The following CUX2 variants were observed in gnomAD, a reference collection of about 807,000 sequenced individuals.
CUX2 encodes the protein cut like homeobox 2.
A neutral mutation model predicts 144.8 loss-of-function variants in CUX2; 40 were observed. The observed-to-expected ratio is 0.28, with a 90% CI of 0.21 to 0.36. CUX2 has a LOEUF of 0.36. Ranked by LOEUF, CUX2 falls within the 10% of genes least tolerant of loss-of-function variation. The pLI is 1.00. For missense variants in CUX2, 1,615 were observed against 1,994.0 expected (o/e 0.81, Z 3.62); for synonymous variants, 827 against 875.6 (o/e 0.94, Z 0.98).
chr12:111,346,939 G>A (rs1888835656), intron 21 of CUX2, among the ~76,000 whole-genome samples: 1 of 152,184 alleles, frequency 6.6e-6, no homozygotes, highest in Non-Finnish European at 1.5e-5. Context: ...TTGAACCCAG[G>A]AGGCAGAGGT....
chr12:111,196,505 T>A (rs1307003862), intron 1 of CUX2, among the ~76,000 whole-genome samples: 1 of 152,176 alleles, frequency 6.6e-6, no homozygotes, highest in Non-Finnish European at 1.5e-5. Flanking sequence ...ATATTTGAGG[T>A]TGCATTTTTG....
intron 4 of CUX2, among the ~76,000 whole-genome samples, chr12:111,266,223 T>C (rs182055314): frequency 1.3e-3 from 192 of 152,228 alleles, no homozygotes; most frequent in African/African-American, 4.5e-3. Flanking sequence ...AAGCCTGTAA[T>C]CCCAGCACTT....
chr12:111,165,018 A>G (rs1878047535), intron 1 of CUX2, among the ~76,000 whole-genome samples: 1 of 152,312 alleles, frequency 6.6e-6, no homozygotes, highest in South Asian at 2.1e-4. Flanking sequence ...AAACCCTGCG[A>G]ATAGCATTTG....
intron 4 of CUX2, among the ~76,000 whole-genome samples, chr12:111,284,088 CCTTGCGTATCT>C (rs1885258877): frequency 6.6e-6 from 1 of 152,144 alleles, no homozygotes; most frequent in East Asian, 1.9e-4. Flanking sequence ...CTACTAAATC[CCTTGCGTATCT>C]CTTGCATCAA....
chr12:111,135,883 A>G (rs958102494), intron 1 of CUX2, among the ~76,000 whole-genome samples: 7 of 152,350 alleles, frequency 4.6e-5, no homozygotes, highest in Middle Eastern at 3.4e-3. Context: ...ATGTTCTGAA[A>G]GTAGATAGAG....
rs199568145 is a variant in CUX2, at chr12:111,341,976, G to A, written c.3582G>A (p.Ser1194=). The change falls in exon 21 of 22, where the codon TCG becomes TCA. Residue 1194 remains serine, a synonymous_variant. Transcript: ENST00000261726. ...RKAYQLEPYP[S]QQTIELLSFQ... is the part of the protein sequence containing the mutation. ...CCTATCAGCTGGAACCCTACCCCTC[G>A]CAGCAGACCATCGAGCTCCTCTCCT... 2.2e-4 allele frequency: 350 copies of A among 1,613,952 alleles called. No homozygotes were observed. The highest frequency in any genetic ancestry group is 7.0e-4 in the Admixed American group (42 of 59,980).
At chr12:111,103,725 A>C (rs1337642214) in intron 1 of CUX2, among the ~76,000 whole-genome samples, 8 of 152,204 alleles carry the variant, frequency 5.3e-5, no homozygotes, top group Non-Finnish European at 1.0e-4. Flanking sequence ...AACTTAAACA[A>C]AAGAAAATTT....
chr12:111,164,686 G>A (rs532466202), intron 1 of CUX2, among the ~76,000 whole-genome samples: 9 of 152,268 alleles, frequency 5.9e-5, no homozygotes, highest in South Asian at 4.1e-4. Flanking sequence ...GTAGTTAGAA[G>A]TCACGCAATA....
intron 1 of CUX2, among the ~76,000 whole-genome samples, chr12:111,142,098 A>G (rs1876357829): frequency 6.6e-6 from 1 of 152,118 alleles, no homozygotes; most frequent in African/African-American, 2.4e-5. Flanking sequence ...AAAAGGGAAA[A>G]CTATTGCCTG....
At chr12:111,285,578 G>A (rs767513700) in intron 4 of CUX2, among the ~76,000 whole-genome samples, 5 of 152,192 alleles carry the variant, frequency 3.3e-5, no homozygotes, top group Non-Finnish European at 5.9e-5. Context: ...ATGTGCCCCT[G>A]CTTAGAGCCA....
At chr12:111,062,689 C>T (rs1273322296) in intron 1 of CUX2, among the ~76,000 whole-genome samples, 2 of 152,206 alleles carry the variant, frequency 1.3e-5, no homozygotes, top group Non-Finnish European at 2.9e-5. Flanking sequence ...TTTGAAGTTG[C>T]AAGCCCAGCT....
At chr12:111,157,308 G>A (rs1877458915) in intron 1 of CUX2, among the ~76,000 whole-genome samples, 1 of 150,640 alleles carries the variant, frequency 6.6e-6, no homozygotes, top group Admixed American at 6.7e-5. Flanking sequence ...CACTTACTAT[G>A]TGCCAGGCAC....
Position 111,347,520 on chromosome 12 carries a change from C to T in CUX2, c.3660-4C>T, listed in dbSNP as rs956966895. The T allele has an allele frequency of 2.5e-6, 4 of 1,583,000 alleles. No individual in the cohort carries two copies. The highest frequency in any genetic ancestry group is 3.5e-4 in the Middle Eastern group (2 of 5,642). On this transcript the variant is annotated splice_region_variant and splice_polypyrimidine_tract_variant and intron_variant, in intron 21 of 21. Coordinates refer to ENST00000261726, the MANE Select transcript of CUX2 (RefSeq NM_015267.4). ...CCCCAGGCTCACCGCCGTCTCTGCC[C>T]CAGGTCCCGGATGCGCCGGGAGATG...
At chr12:111,331,837 G>T (rs4766502) in intron 18 of CUX2, among the ~76,000 whole-genome samples, 54,063 of 151,794 alleles carry the variant, frequency 0.36, 11,633 homozygotes, top group East Asian at 0.69. Context: ...CCAGTACTTT[G>T]GGGGCGCCGA....
chr12:111,113,469 A>T (rs892555986), intron 1 of CUX2, among the ~76,000 whole-genome samples: 1 of 151,510 alleles, frequency 6.6e-6, no homozygotes, highest in Non-Finnish European at 1.5e-5. Flanking sequence ...TTCTCTGACC[A>T]CATTGCTTTG....
intron 18 of CUX2, among the ~76,000 whole-genome samples, chr12:111,332,128 C>CTTTTTT (rs765789593): frequency 8.4e-6 from 1 of 119,602 alleles, no homozygotes; most frequent in African/African-American, 3.5e-5. Flanking sequence ...ATCTGTCTAC[C>CTTTTTT]TTTTTTTTTT....
intron 4 of CUX2, among the ~76,000 whole-genome samples, chr12:111,275,724 G>T (rs1884842055): frequency 6.6e-6 from 1 of 152,198 alleles, no homozygotes; most frequent in Non-Finnish European, 1.5e-5. Context: ...CCGGACCCAA[G>T]ACTGAAACTT....
At position 111,348,810 on chromosome 12, in the gene CUX2, T is replaced by G. The variant is rs12298196; in HGVS notation, c.*485T>G. 2,599 of 155,894 alleles carry G rather than the reference T, an allele frequency of 0.017. 88 individuals are homozygous for G. Among genetic ancestry groups the G allele is most frequent in the African/African-American group, 0.058 (2,393 of 41,536 alleles). The allele number at this position is 155,894 out of a possible 1,614,324, so 9.7% of individuals were successfully genotyped here. A position where few individuals can be genotyped will look rare whatever the true frequency, so the allele number is the denominator to read the frequency against. ...ACTAGATGAGATTAAAAGAAGACAA[T>G]TATTCAAAGCCATCACAAAACACTA... On this transcript the variant is annotated 3_prime_UTR_variant, in exon 22 of 22. Coordinates refer to ENST00000261726, the MANE Select transcript of CUX2 (RefSeq NM_015267.4).
chr12:111,050,910 T>C (rs1226140057), intron 1 of CUX2, among the ~76,000 whole-genome samples: 30 of 152,168 alleles, frequency 2.0e-4, no homozygotes, highest in Admixed American at 2.0e-3. Context: ...TACAATTAGA[T>C]AGAAGGAATA....
Sources: allele counts gnomAD v4.1 joint callset (sites outside exome capture counted in the v4.1 genomes callset), GRCh38; gene constraint gnomAD v4.1.1; transcripts MANE v1.5; gene names NCBI Gene and HGNC (gene_info 2026-07-23, HGNC 2026-07-21).